The following MEMO1 variants were observed in gnomAD, a reference collection of about 807,000 sequenced individuals.
MEMO1 encodes protein MEMO1.
MEMO1 carries 6 observed loss-of-function variants against 45.2 expected under a neutral mutation model. That is an observed-to-expected ratio of 0.13 (90% confidence interval 0.07 to 0.26). The LOEUF (loss-of-function observed/expected upper bound fraction) is 0.26, where lower values mean the gene tolerates loss of function less well. Among genes scored for constraint, MEMO1 ranks in the 10% least tolerant of loss-of-function variants. The pLI is 1.00. For synonymous variants in MEMO1, 78 were observed against 124.3 expected, an observed-to-expected ratio of 0.63 and a Z score of 2.48; for missense variants, 184 against 370.5, an observed-to-expected ratio of 0.50 and a Z score of 4.13.
At chr2:31,878,641 G>A (rs561104858) in intron 8 of MEMO1, among the ~76,000 whole-genome samples, 22 of 152,108 alleles carry the variant, frequency 1.4e-4, no homozygotes, top group African/African-American at 4.3e-4. Flanking sequence ...TCTGGCAGGA[G>A]TTCTTTTATA....
At chr2:31,993,885 A>T (rs1672236631) in intron 2 of MEMO1, among the ~76,000 whole-genome samples, 2 of 151,920 alleles carry the variant, frequency 1.3e-5, no homozygotes, top group African/African-American at 4.8e-5. Context: ...AGAAAACTAT[A>T]AAAATGATCC....
intron 2 of MEMO1, among the ~76,000 whole-genome samples, chr2:31,959,480 T>C (rs1477475374): frequency 6.6e-6 from 1 of 151,012 alleles, no homozygotes; most frequent in African/African-American, 2.4e-5. Flanking sequence ...CTCTCTCTAA[T>C]GAATAAGCAC....
intron 2 of MEMO1, among the ~76,000 whole-genome samples, chr2:31,948,243 G>C (rs1165815635): frequency 6.6e-6 from 1 of 152,192 alleles, no homozygotes; most frequent in Non-Finnish European, 1.5e-5. Flanking sequence ...GGACAAGCTG[G>C]TAAGAGAAAC....
intron 3 of MEMO1, among the ~76,000 whole-genome samples, chr2:31,940,171 G>C (rs912836784): frequency 6.6e-6 from 1 of 151,990 alleles, no homozygotes; most frequent in Non-Finnish European, 1.5e-5. Context: ...CCTCTAAAAA[G>C]GTGGCTTATC....
chr2:31,974,626 T>A (rs1474767095), intron 2 of MEMO1, among the ~76,000 whole-genome samples: 3 of 152,058 alleles, frequency 2.0e-5, no homozygotes, highest in Non-Finnish European at 2.9e-5. Context: ...GCACCTGTAG[T>A]CCCAGCTACT....
At chr2:32,009,586 G>A (rs1166463599) in intron 2 of MEMO1, among the ~76,000 whole-genome samples, 3 of 152,246 alleles carry the variant, frequency 2.0e-5, no homozygotes, top group Non-Finnish European at 4.4e-5. Context: ...CCAGAGGCAC[G>A]GGGCGAGAAG....
intron 8 of MEMO1, among the ~76,000 whole-genome samples, chr2:31,878,644 C>A (rs963320877): frequency 6.6e-6 from 1 of 151,990 alleles, no homozygotes; most frequent in African/African-American, 2.4e-5. Context: ...GGCAGGAGTT[C>A]TTTTATATTT....
At chr2:32,009,550 G>C (rs916198532) in intron 2 of MEMO1, among the ~76,000 whole-genome samples, 1 of 152,218 alleles carries the variant, frequency 6.6e-6, no homozygotes, top group Non-Finnish European at 1.5e-5. Flanking sequence ...TAAAGGTGCG[G>C]GGAAACGCTG....
At chr2:31,903,202 C>T (rs1159962993) in intron 6 of MEMO1, among the ~76,000 whole-genome samples, 1 of 152,136 alleles carries the variant, frequency 6.6e-6, no homozygotes, top group Admixed American at 6.5e-5. Flanking sequence ...AATTTTCCTT[C>T]CTATACAAAT....
chr2:31,970,278 G>T (rs551381720), intron 2 of MEMO1, among the ~76,000 whole-genome samples: 2 of 152,070 alleles, frequency 1.3e-5, no homozygotes, highest in East Asian at 3.9e-4. Flanking sequence ...CCTCTCTTTC[G>T]TAATTTTCAG....
chr2:31,907,626 C>T (rs1034135712), intron 6 of MEMO1, among the ~76,000 whole-genome samples: 1 of 152,074 alleles, frequency 6.6e-6, no homozygotes, highest in Non-Finnish European at 1.5e-5. Context: ...GAAACCCCCT[C>T]TACAAAAAAT....
At chr2:31,930,316 T>C (rs993937585) in intron 4 of MEMO1, among the ~76,000 whole-genome samples, 5 of 152,134 alleles carry the variant, frequency 3.3e-5, no homozygotes, top group African/African-American at 9.7e-5. Flanking sequence ...TCAGCCATCA[T>C]TTGCCTCTCT....
In MEMO1 at chr2:31,987,677, T is replaced by C. The variant is rs368939167; in HGVS notation, c.61+22510A>G. Among the ~76,000 whole-genome samples the C allele has an allele frequency of 2.0e-5, 3 of 152,310 alleles. No homozygotes were observed. The East Asian group carries it at 5.8e-4, about 29-fold the overall frequency. Reference sequence around the variant, plus strand: ...GTTGAAAATACAAAGATTATAGTGGTGATGTCACCTTCCACTTTGAGCAAT... The same window carrying C: ...GTTGAAAATACAAAGATTATAGTGGCGATGTCACCTTCCACTTTGAGCAAT... On this transcript the variant is annotated intron_variant, in intron 2 of 9. Transcript: ENST00000404530.
chr2:31,900,224 T>C (rs1355640314), intron 6 of MEMO1, among the ~76,000 whole-genome samples: 3 of 152,192 alleles, frequency 2.0e-5, no homozygotes, highest in Non-Finnish European at 4.4e-5. Flanking sequence ...TAAAGACACA[T>C]GCACACATAT....
At position 31,892,856 on chromosome 2, in the gene MEMO1, A is replaced by G. The variant is rs564651210; in HGVS notation, c.438-722T>C. On this transcript the variant is annotated intron_variant, in intron 6 of 9. Transcript: ENST00000404530. Reference sequence around the variant, plus strand: ...CTCTACAGATTGACAGATTTATGGAAAAGAAACAAAGTAGATTAATAAAGA... The same window carrying G: ...CTCTACAGATTGACAGATTTATGGAGAAGAAACAAAGTAGATTAATAAAGA... 2.6e-3 allele frequency among the ~76,000 whole-genome samples: 396 copies of G among 152,340 alleles called. 6 individuals are homozygous for G. The highest frequency in any genetic ancestry group is 8.9e-3 in the African/African-American group (371 of 41,576).
intron 2 of MEMO1, among the ~76,000 whole-genome samples, chr2:31,951,461 A>G (rs1290016734): frequency 2.6e-5 from 4 of 151,896 alleles, no homozygotes; most frequent in African/African-American, 9.7e-5. Flanking sequence ...ACTGCTTCTC[A>G]CTACAATGAA....
At chr2:31,876,383 C>T (rs72859058) in intron 8 of MEMO1, among the ~76,000 whole-genome samples, 1 of 152,166 alleles carries the variant, frequency 6.6e-6, no homozygotes, top group Non-Finnish European at 1.5e-5. Context: ...AAAACAGCCT[C>T]CAATCATTTA....
intron 2 of MEMO1, among the ~76,000 whole-genome samples, chr2:31,965,114 G>A (rs1418016482): frequency 4.6e-5 from 7 of 152,212 alleles, no homozygotes; most frequent in African/African-American, 1.4e-4. Flanking sequence ...TTGGGAGGAT[G>A]AGGCAGGAGA....
At chr2:31,974,051 A>T (rs1252847596) in intron 2 of MEMO1, among the ~76,000 whole-genome samples, 2 of 152,202 alleles carry the variant, frequency 1.3e-5, no homozygotes, top group Non-Finnish European at 2.9e-5. Context: ...TAAAAATAAA[A>T]AATTAGTTAA....
Sources: gnomAD v4.1 joint callset for allele counts (sites outside exome capture counted in the v4.1 genomes callset) on GRCh38, gnomAD v4.1.1 for gene constraint, MANE v1.5 for transcripts, NCBI Gene and HGNC (gene_info 2026-07-23, HGNC 2026-07-21) for gene names.